ORC5: variants seen among roughly 807,000 people sequenced by gnomAD.
The protein encoded by ORC5 is protein phosphatase 1, regulatory subunit 117.
Under a neutral mutation model 58.8 loss-of-function variants are expected in ORC5, and 39 were observed. The ratio of observed to expected loss-of-function variants is 0.66; its 90% CI spans 0.51 to 0.87. The LOEUF (loss-of-function observed/expected upper bound fraction) is 0.87, where lower values mean the gene tolerates loss of function less well. ORC5 is among the 40% of genes least tolerant of loss of function. The probability of loss-of-function intolerance (pLI) is 0.00; values close to 1 mark genes in which losing one functional copy is unlikely to be tolerated. For missense variants in ORC5, 493 were observed against 506.3 expected, an observed-to-expected ratio of 0.97 and a Z score of 0.25; for synonymous variants, 218 against 177.6, an observed-to-expected ratio of 1.23 and a Z score of -1.81.
At chr7:104,135,194 C>T (rs979463974) in intron 13 of ORC5, among the ~76,000 whole-genome samples, 2 of 152,056 alleles carry the variant, frequency 1.3e-5, no homozygotes, top group Non-Finnish European at 2.9e-5. Context: ...TAATAAAATC[C>T]CTGAAATGAA....
chr7:104,187,922 C>T, intron 6 of ORC5: 1 of 998,690 alleles, frequency 1.0e-6, no homozygotes, highest in South Asian at 4.6e-5. Flanking sequence ...TTTTACATCT[C>T]TTTTCTGTTA....
chr7:104,163,834 T>C (rs1433287917), intron 11 of ORC5, among the ~76,000 whole-genome samples: 2 of 152,186 alleles, frequency 1.3e-5, no homozygotes, highest in Admixed American at 1.3e-4. Context: ...TATCCTAATA[T>C]TAACATATTA....
In ORC5 at chr7:104,136,825, T is replaced by C. The variant is rs1562802894; in HGVS notation, c.1218A>G (p.Lys406=). ...VGHDDQLDGP[K]YKCTVSLDFI... is the part of the protein sequence containing the mutation. ...AGTCTAGAGACACTGTGCATTTGTA[T>C]TTTGGTCCATCAAGCTGATCGTCAT... is the stretch of plus-strand genomic sequence containing the variant. Residue 406 remains lysine (K), a synonymous_variant, in exon 13 of 14, where the codon AAA becomes AAG. Transcript: ENST00000297431. This position sits in a 1 kb window ranked among gnomAD's most constrained non-coding sequence, Gnocchi z 4.2. The C allele has an allele frequency of 6.2e-7, 1 of 1,613,882 alleles. No homozygotes were observed. The highest frequency in any genetic ancestry group is 2.2e-5 in the East Asian group (1 of 44,878).
intron 5 of ORC5, among the ~76,000 whole-genome samples, chr7:104,189,121 G>T (rs1799615798): frequency 6.6e-6 from 1 of 152,106 alleles, no homozygotes; most frequent in Non-Finnish European, 1.5e-5. Context: ...GGGACTGGTT[G>T]TCAGAGGAAC....
chr7:104,184,126 C>A lies in ORC5; in HGVS notation c.730G>T (p.Glu244Ter), dbSNP rs771039759. 2 of 1,589,298 alleles carry A rather than the reference C, an allele frequency of 1.3e-6. No homozygotes were observed. The highest frequency in any genetic ancestry group is 1.7e-6 in the Non-Finnish European group (2 of 1,162,992). ...ATGAGTAAAATTACACAGTTACCTT[C>A]TCCTTTAACCACGGGTTCACAATAT... ...PKYCEPVVKG[E>*]ASERDTRKLW... Residue 244 changes from glutamate to a stop codon, truncating the protein, a stop_gained, in exon 7 of 14, where the codon GAA becomes TAA. Coordinates refer to ENST00000297431, the MANE Select transcript of ORC5 (RefSeq NM_002553.4). LOFTEE classifies it high-confidence loss of function.
At chr7:104,137,139 G>A (rs1798602839) in intron 12 of ORC5, among the ~76,000 whole-genome samples, 2 of 144,950 alleles carry the variant, frequency 1.4e-5, no homozygotes, top group South Asian at 2.2e-4. Context: ...GTCTCGTTCT[G>A]TTACCCAGGC....
At chr7:104,151,622 C>G (rs1029307651) in intron 12 of ORC5, among the ~76,000 whole-genome samples, 2 of 152,054 alleles carry the variant, frequency 1.3e-5, no homozygotes, top group Non-Finnish European at 2.9e-5. Flanking sequence ...GGCTGAAAAC[C>G]CAGGGAAAGA....
Position 104,138,380 on chromosome 7 carries a change from C to T in ORC5, c.1150-1487G>A, listed in dbSNP as rs758332749. On this transcript the variant is annotated intron_variant, in intron 12 of 13. Transcript: ENST00000297431. The surrounding 1 kb of genome is among the most constrained non-coding windows in gnomAD (Gnocchi z 4.7). ...TAACTCAGAATATAAAATCTATACT[C>T]CTTTGGGTATAAAACAATAATATGG... 2.2e-4 allele frequency among the ~76,000 whole-genome samples: 34 copies of T among 152,052 alleles called. No individual in the cohort carries two copies. Among genetic ancestry groups the T allele is most frequent in the Non-Finnish European group, 4.1e-4 (28 of 68,022 alleles).
chr7:104,161,019 C>T, intron 12 of ORC5, 53 bp downstream of exon 12: 2 of 965,074 alleles, frequency 2.1e-6, no homozygotes, highest in Non-Finnish European at 3.4e-6. Flanking sequence ...ATTGACTCTA[C>T]TATCTGAAGA....
At chr7:104,149,300 G>C (rs1054332841) in intron 12 of ORC5, among the ~76,000 whole-genome samples, 4 of 152,112 alleles carry the variant, frequency 2.6e-5, no homozygotes, top group Admixed American at 6.5e-5. Flanking sequence ...TATAAAAATT[G>C]TGGGAAAATT....
chr7:104,143,054 T>C (rs1798699816), intron 12 of ORC5, among the ~76,000 whole-genome samples: 1 of 152,192 alleles, frequency 6.6e-6, no homozygotes, highest in Non-Finnish European at 1.5e-5. Context: ...TTCAACCCTT[T>C]CTATTTTTCT....
intron 12 of ORC5, among the ~76,000 whole-genome samples, chr7:104,149,681 A>C (rs901704090): frequency 1.3e-5 from 2 of 152,190 alleles, no homozygotes; most frequent in African/African-American, 2.4e-5. Flanking sequence ...TCCCCTAAAA[A>C]TCTGAGGCAT....
chr7:104,159,287 T>C (rs1394823530), intron 12 of ORC5, among the ~76,000 whole-genome samples: 26 of 116,522 alleles, frequency 2.2e-4, no homozygotes, highest in Non-Finnish European at 3.6e-4. Context: ...TGAGAACACA[T>C]GGACACAGGA....
At chr7:104,199,026 G>C (rs539334996) in intron 3 of ORC5, among the ~76,000 whole-genome samples, 1 of 152,228 alleles carries the variant, frequency 6.6e-6, no homozygotes, top group Admixed American at 6.5e-5. Context: ...AAGAATTAAC[G>C]TTTGGGAACC....
chr7:104,182,430 C>T (rs1467201798), intron 8 of ORC5, among the ~76,000 whole-genome samples: 1 of 152,040 alleles, frequency 6.6e-6, no homozygotes, highest in Non-Finnish European at 1.5e-5. Flanking sequence ...GCAGCTTCTG[C>T]TGGTAAGTTG....
chr7:104,207,241 G>C lies in ORC5; in HGVS notation c.72+592C>G, dbSNP rs995154526. Among the ~76,000 whole-genome samples the C allele has an allele frequency of 3.3e-5, 5 of 152,254 alleles. No homozygotes were observed. The East Asian group carries it at 9.6e-4, about 29-fold the overall frequency. Reference sequence around the variant, plus strand: ...AACGCTACCCTCTGCCTATTGAAAGGACTCCCTACGTATCTATGTTCATCC... The same window carrying C: ...AACGCTACCCTCTGCCTATTGAAAGCACTCCCTACGTATCTATGTTCATCC... On this transcript the variant is annotated intron_variant, in intron 1 of 13. Transcript: ENST00000297431.
intron 5 of ORC5, among the ~76,000 whole-genome samples, chr7:104,193,526 T>C (rs1208068630): frequency 6.6e-6 from 1 of 152,086 alleles, no homozygotes; most frequent in Admixed American, 6.6e-5. Context: ...TAGCCATAAC[T>C]GCTAAGAGGA....
intron 1 of ORC5, among the ~76,000 whole-genome samples, chr7:104,207,300 G>A (rs960419207): frequency 6.6e-6 from 1 of 152,108 alleles, no homozygotes; most frequent in Non-Finnish European, 1.5e-5. Context: ...GGCATCCTGT[G>A]AACTATCAGT....
At chr7:104,205,175 T>C (rs770400726) in intron 1 of ORC5, among the ~76,000 whole-genome samples, 11 of 147,824 alleles carry the variant, frequency 7.4e-5, no homozygotes, top group Non-Finnish European at 1.3e-4. Context: ...CTTCAACCTC[T>C]GCCTCCCGGG....
Sources: allele counts gnomAD v4.1 joint callset (sites outside exome capture counted in the v4.1 genomes callset), GRCh38; gene constraint gnomAD v4.1.1; non-coding constraint Gnocchi (gnomAD v3.1); transcripts MANE v1.5; gene names NCBI Gene and HGNC (gene_info 2026-07-23, HGNC 2026-07-21).